BCAS1: variants seen among roughly 807,000 people sequenced by gnomAD.
BCAS1 encodes the protein brain enriched myelin associated protein 1, also known as breast carcinoma-amplified sequence 1.
Under a neutral mutation model 65.4 loss-of-function variants are expected in BCAS1, and 46 were observed. The ratio of observed to expected loss-of-function variants is 0.70; its 90% CI spans 0.55 to 0.90. The LOEUF (loss-of-function observed/expected upper bound fraction) is 0.90, where lower values mean the gene tolerates loss of function less well. BCAS1 is among the 40% of genes least tolerant of loss of function. The pLI is 0.00. For missense variants in BCAS1, 793 were observed against 771.2 expected (o/e 1.03, Z -0.33); for synonymous variants, 298 against 293.5 (o/e 1.02, Z -0.16).
At chr20:53,979,994 T>A (rs2145735377) in intron 8 of BCAS1, among the ~76,000 whole-genome samples, 1 of 152,298 alleles carries the variant, frequency 6.6e-6, no homozygotes, top group South Asian at 2.1e-4. Context: ...ACGGAACCCC[T>A]TATAAACAGA....
chr20:53,999,163 G>A (rs2090995682), intron 4 of BCAS1, among the ~76,000 whole-genome samples: 1 of 152,154 alleles, frequency 6.6e-6, no homozygotes, highest in Non-Finnish European at 1.5e-5. Flanking sequence ...CATAGGGAGT[G>A]TATATAAATA....
intron 1 of BCAS1, among the ~76,000 whole-genome samples, chr20:54,068,827 C>T (rs1164051366): frequency 6.6e-6 from 1 of 152,128 alleles, no homozygotes; most frequent in East Asian, 1.9e-4. Context: ...CAAGTCACAT[C>T]TAATACTCCA....
intron 4 of BCAS1, among the ~76,000 whole-genome samples, chr20:54,004,373 G>C (rs60942173): frequency 6.6e-6 from 1 of 152,202 alleles, no homozygotes; most frequent in African/African-American, 2.4e-5. Context: ...AAGCCATCCA[G>C]TCTATGGTAC....
At chr20:53,965,778 C>G (rs1292915224) in intron 10 of BCAS1, among the ~76,000 whole-genome samples, 1 of 151,884 alleles carries the variant, frequency 6.6e-6, no homozygotes, top group Non-Finnish European at 1.5e-5. Flanking sequence ...CTTAAAATGC[C>G]TGATATTCTT....
At chr20:53,960,999 T>C (rs4811487) in intron 10 of BCAS1, among the ~76,000 whole-genome samples, 4 of 152,224 alleles carry the variant, frequency 2.6e-5, no homozygotes, top group Admixed American at 2.6e-4. Context: ...TTTTTATTCA[T>C]GACAGTCAAA....
intron 4 of BCAS1, among the ~76,000 whole-genome samples, chr20:54,022,851 C>T (rs73133440): frequency 0.037 from 5,676 of 152,330 alleles, 139 homozygotes; most frequent in Middle Eastern, 0.095. Flanking sequence ...CTAGGTCACC[C>T]AGGCTCCTAA....
chr20:53,968,452 A>G (rs1315804906), intron 9 of BCAS1, among the ~76,000 whole-genome samples: 2 of 152,186 alleles, frequency 1.3e-5, no homozygotes. Context: ...TTTCTTTCCC[A>G]TCATACAGAA....
At chr20:53,951,334 G>GTAATTA in intron 12 of BCAS1, among the ~76,000 whole-genome samples, 2 of 152,160 alleles carry the variant, frequency 1.3e-5, no homozygotes, top group African/African-American at 4.8e-5. Flanking sequence ...AGCCAGGCGT[G>GTAATTA]GTGGCGCATG....
chr20:53,946,080 C>T (rs936162964), intron 12 of BCAS1, among the ~76,000 whole-genome samples: 1 of 151,754 alleles, frequency 6.6e-6, no homozygotes, highest in African/African-American at 2.4e-5. Flanking sequence ...AGCCTGAGTA[C>T]TATTATTATT....
At chr20:54,063,761 TTCAGACAGTAATTCTTG>T (rs1464168450) in intron 1 of BCAS1, among the ~76,000 whole-genome samples, 1 of 152,208 alleles carries the variant, frequency 6.6e-6, no homozygotes, top group African/African-American at 2.4e-5. Context: ...CTCAAGGCAG[TTCAGACAGTAATTCTTG>T]TCTGTAATAG....
At chr20:53,978,441 G>A (rs1034794800) in intron 8 of BCAS1, among the ~76,000 whole-genome samples, 14 of 151,994 alleles carry the variant, frequency 9.2e-5, no homozygotes, top group Admixed American at 2.0e-4. Context: ...ATAGTAGTAC[G>A]TATTAAAAAG....
intron 10 of BCAS1, among the ~76,000 whole-genome samples, chr20:53,960,536 T>G (rs1206469068): frequency 6.6e-6 from 1 of 151,720 alleles, no homozygotes; most frequent in Non-Finnish European, 1.5e-5. Context: ...GATTTTTCTT[T>G]ATTGCTTATT....
At chr20:53,987,443 G>A (rs1468883978) in intron 7 of BCAS1, among the ~76,000 whole-genome samples, 2 of 152,192 alleles carry the variant, frequency 1.3e-5, no homozygotes, top group East Asian at 3.8e-4. Flanking sequence ...GCTCTAAACG[G>A]TAATTAAATT....
intron 3 of BCAS1, among the ~76,000 whole-genome samples, chr20:54,033,430 G>T (rs1193718345): frequency 1.3e-5 from 2 of 149,890 alleles, no homozygotes; most frequent in African/African-American, 2.4e-5. Flanking sequence ...AAATAGAAAA[G>T]ATTCAAATAA....
chr20:54,057,997 C>T, intron 3 of BCAS1, 88 bp downstream of exon 3: 1 of 929,432 alleles, frequency 1.1e-6, no homozygotes. Context: ...TCGACCCTTT[C>T]ATTTTTTTTT....
rs1362220434 is a variant in BCAS1, at chr20:54,028,685, C to G, written c.430G>C (p.Ala144Pro). Residue 144 changes from alanine to proline, a missense_variant, in exon 4 of 13, where the codon GCT (alanine) becomes CCT (proline). Physicochemically the swap from Ala to Pro is conservative, Grantham distance 27. Transcript: ENST00000688948. The stretch of plus-strand genomic sequence containing the variant: ...TTATCTGTGTCCTGCCCCGGTCCAG[C>G]TGCCACCGGAAGTGTCCAGCTCTCA... ...PSESWTLPVA[A>P]GPGQDTDKTP... is the part of the protein sequence containing the mutation. The G allele has an allele frequency of 6.2e-7, 1 of 1,614,084 alleles. No individual in the cohort carries two copies. The highest frequency in any genetic ancestry group is 2.2e-5 in the East Asian group (1 of 44,894).
chr20:54,019,860 C>T lies in BCAS1; in HGVS notation c.723+8532G>A, dbSNP rs117580597. 1.0e-2 allele frequency among the ~76,000 whole-genome samples: 1,517 copies of T among 152,302 alleles called. 39 individuals carry two copies. Among genetic ancestry groups the T allele is most frequent in the East Asian group, 0.086 (445 of 5,188 alleles). On this transcript the variant is annotated intron_variant, in intron 4 of 12. Transcript: ENST00000688948. ...TCTCAGGCCTTTGGCCACAGACTGA[C>T]GGCTGCACTGTCGGCCTCCACACTT...
intron 10 of BCAS1, among the ~76,000 whole-genome samples, chr20:53,963,044 G>A (rs2089927974): frequency 6.6e-6 from 1 of 151,404 alleles, no homozygotes; most frequent in Non-Finnish European, 1.5e-5. Flanking sequence ...TAGAGACAGG[G>A]TTTCACCGTG....
chr20:54,035,276 T>G (rs1186932711), intron 3 of BCAS1, among the ~76,000 whole-genome samples: 1 of 150,106 alleles, frequency 6.7e-6, no homozygotes, highest in African/African-American at 2.4e-5. Context: ...GGCAGGCGCC[T>G]GTAGTCCCAG....
Sources: allele counts gnomAD v4.1 joint callset (sites outside exome capture counted in the v4.1 genomes callset), GRCh38; gene constraint gnomAD v4.1.1; transcripts MANE v1.5; gene names NCBI Gene and HGNC (gene_info 2026-07-23, HGNC 2026-07-21).